The following RSPO3 variants were observed in gnomAD, a reference collection of about 807,000 sequenced individuals.
The protein encoded by RSPO3 is R-spondin 3.
A neutral mutation model predicts 36.5 loss-of-function variants in RSPO3; 17 were observed. The ratio of observed to expected loss-of-function variants is 0.47; its 90% CI spans 0.32 to 0.70. RSPO3 has a LOEUF of 0.70. Ranked by LOEUF, RSPO3 falls within the 30% of genes least tolerant of loss-of-function variation. The pLI, the probability that RSPO3 is intolerant of heterozygous loss-of-function variation, is 0.04. For missense variants in RSPO3, 294 were observed against 322.5 expected (o/e 0.91, Z 0.68); for synonymous variants, 108 against 107.0 (o/e 1.01, Z -0.06).
intron 4 of RSPO3, among the ~76,000 whole-genome samples, chr6:127,159,679 C>T (rs545549070): frequency 7.6e-6 from 1 of 131,774 alleles, no homozygotes; most frequent in South Asian, 2.5e-4. Context: ...GATGGGGTCT[C>T]ACTCTGTCGC....
chr6:127,139,605 C>G (rs1364323538), intron 1 of RSPO3, among the ~76,000 whole-genome samples: 1 of 151,282 alleles, frequency 6.6e-6, no homozygotes, highest in Non-Finnish European at 1.5e-5. Context: ...CTAATTATTT[C>G]TAACCTTAAA....
chr6:127,166,435 A>G (rs1439049006), intron 4 of RSPO3, among the ~76,000 whole-genome samples: 2 of 152,042 alleles, frequency 1.3e-5, no homozygotes, highest in African/African-American at 4.8e-5. Context: ...CTTTGGAACC[A>G]TGTGGTTTCA....
intron 1 of RSPO3, among the ~76,000 whole-genome samples, chr6:127,141,230 C>G (rs954450759): frequency 1.3e-5 from 2 of 152,148 alleles, no homozygotes; most frequent in Admixed American, 6.5e-5. Flanking sequence ...CTACTTGCAT[C>G]TATCTTTCAT....
intron 1 of RSPO3, among the ~76,000 whole-genome samples, chr6:127,140,134 A>G (rs1774241552): frequency 6.6e-6 from 1 of 152,194 alleles, no homozygotes; most frequent in African/African-American, 2.4e-5. Flanking sequence ...TTAAGATACT[A>G]AAAGAAATAT....
chr6:127,135,416 TAA>T (rs35739572), intron 1 of RSPO3, among the ~76,000 whole-genome samples: 39,388 of 94,978 alleles, frequency 0.41, 5,239 homozygotes, highest in East Asian at 0.55. Flanking sequence ...TGAGAATCCA[TAA>T]AAAAAAAAAA....
intron 4 of RSPO3, among the ~76,000 whole-genome samples, chr6:127,155,997 G>C (rs1774591103): frequency 6.6e-6 from 1 of 151,872 alleles, no homozygotes; most frequent in African/African-American, 2.4e-5. Flanking sequence ...CAAACTCCCA[G>C]GCTCAAGCAA....
At chr6:127,160,203 TA>T (rs1410099533) in intron 4 of RSPO3, among the ~76,000 whole-genome samples, 1 of 152,248 alleles carries the variant, frequency 6.6e-6, no homozygotes, top group African/African-American at 2.4e-5. Context: ...TTCATCTCTC[TA>T]AACTGATCAA....
chr6:127,193,666 T>A (rs2114279130), intron 4 of RSPO3, among the ~76,000 whole-genome samples: 1 of 152,340 alleles, frequency 6.6e-6, no homozygotes, highest in Middle Eastern at 3.4e-3. Context: ...TTTCTCTGTT[T>A]GTACAGTTTT....
chr6:127,123,278 T>C (rs1773880017), intron 1 of RSPO3, among the ~76,000 whole-genome samples: 1 of 152,176 alleles, frequency 6.6e-6, no homozygotes, highest in South Asian at 2.1e-4. Context: ...GTAATATTAA[T>C]TTCAAATGAA....
rs797003467 is a variant in RSPO3 at position 127,198,037 on chromosome 6, CT to C, written c.*2031del. Among the ~76,000 whole-genome samples, 24 of 152,330 alleles carry C rather than the reference CT, an allele frequency of 1.6e-4. No homozygotes were observed. Among genetic ancestry groups the C allele is most frequent in the African/African-American group, 5.8e-4 (24 of 41,598 alleles). On this transcript the variant is annotated 3_prime_UTR_variant, in exon 5 of 5. Coordinates refer to ENST00000356698, the MANE Select transcript of RSPO3 (RefSeq NM_032784.5). ...AGCCAAATTATTTTTGCACATCTTT[CT>C]GTTTCTCATGTCTTCATTTATTCAA...
intron 4 of RSPO3, among the ~76,000 whole-genome samples, chr6:127,174,469 T>C (rs1361935850): frequency 6.6e-6 from 1 of 151,892 alleles, no homozygotes; most frequent in Non-Finnish European, 1.5e-5. Flanking sequence ...CTAAGCAGTA[T>C]GAAGAAAGCA....
chr6:127,148,593 A>AT (rs1176256483), intron 1 of RSPO3, 55 bp from the exon 2 acceptor site: 26 of 1,452,214 alleles, frequency 1.8e-5, no homozygotes, highest in Admixed American at 5.6e-5. Context: ...AGAAAATGTC[A>AT]TTTTTTTATC....
chr6:127,152,508 C>A (rs1453981543), intron 3 of RSPO3, among the ~76,000 whole-genome samples: 1 of 152,040 alleles, frequency 6.6e-6, no homozygotes, highest in Non-Finnish European at 1.5e-5. Context: ...ATGGTGATCC[C>A]AAAGAAACAT....
intron 4 of RSPO3, among the ~76,000 whole-genome samples, chr6:127,178,564 C>T (rs896137132): frequency 2.4e-4 from 37 of 151,654 alleles, no homozygotes; most frequent in South Asian, 8.3e-4. Context: ...ACATTTATTG[C>T]TTTGTATTAC....
chr6:127,156,681 G>A (rs1049140139), intron 4 of RSPO3, among the ~76,000 whole-genome samples: 5 of 152,088 alleles, frequency 3.3e-5, no homozygotes, highest in African/African-American at 1.2e-4. Flanking sequence ...TAGGGCCTAA[G>A]GATTCACAAC....
At chr6:127,140,877 A>G (rs1379342336) in intron 1 of RSPO3, among the ~76,000 whole-genome samples, 2 of 152,064 alleles carry the variant, frequency 1.3e-5, no homozygotes, top group Non-Finnish European at 2.9e-5. Context: ...TCTACCTGAA[A>G]TACTCTTCCT....
At chr6:127,182,975 C>A (rs997625170) in intron 4 of RSPO3, among the ~76,000 whole-genome samples, 1 of 151,978 alleles carries the variant, frequency 6.6e-6, no homozygotes, top group Non-Finnish European at 1.5e-5. Flanking sequence ...CATCTTTCAA[C>A]TTTTGACAAC....
At chr6:127,128,765 T>C (rs1432175485) in intron 1 of RSPO3, among the ~76,000 whole-genome samples, 1 of 152,100 alleles carries the variant, frequency 6.6e-6, no homozygotes, top group Non-Finnish European at 1.5e-5. Context: ...GATAGAGAAT[T>C]ATCTCAGTCA....
chr6:127,144,775 C>A (rs1023602333), intron 1 of RSPO3, among the ~76,000 whole-genome samples: 1 of 151,172 alleles, frequency 6.6e-6, no homozygotes, highest in African/African-American at 2.4e-5. Flanking sequence ...ACGTGCACCA[C>A]CACACTGGGC....
Sources: gnomAD v4.1 joint callset for allele counts (sites outside exome capture counted in the v4.1 genomes callset) on GRCh38, gnomAD v4.1.1 for gene constraint, MANE v1.5 for transcripts, NCBI Gene and HGNC (gene_info 2026-07-23, HGNC 2026-07-21) for gene names.